Variants in WDR41 observed in about 807,000 individuals in gnomAD.
WDR41 encodes the protein WD repeat-containing protein 41.
A neutral mutation model predicts 69.3 loss-of-function variants in WDR41; 63 were observed. The observed-to-expected ratio is 0.91, with a 90% confidence interval of 0.74 to 1.12. The LOEUF (loss-of-function observed/expected upper bound fraction) is 1.12, where lower values mean the gene tolerates loss of function less well. Among genes scored for constraint, WDR41 ranks in the 50% most tolerant of loss-of-function variants. The pLI is 0.00. For synonymous variants in WDR41, 185 were observed against 192.1 expected (o/e 0.96, Z 0.31); for missense variants, 543 against 534.5 (o/e 1.02, Z -0.16).
At chr5:77,512,041 C>T (rs6886221) in intron 1 of WDR41, among the ~76,000 whole-genome samples, 83,082 of 151,902 alleles carry the variant, frequency 0.55, 24,165 homozygotes, top group African/African-American at 0.73. Flanking sequence ...CCAGTATCTA[C>T]AGATACAGAA....
chr5:77,520,692 G>A (rs1443614976), intron 1 of WDR41, among the ~76,000 whole-genome samples: 1 of 152,102 alleles, frequency 6.6e-6, no homozygotes, highest in Non-Finnish European at 1.5e-5. Flanking sequence ...ACCCCATAAA[G>A]CTGAAGGTCA....
chr5:77,583,000 T>G (rs888586467), intron 1 of WDR41: 2 of 1,600,254 alleles, frequency 1.2e-6, no homozygotes, highest in Non-Finnish European at 1.7e-6. Context: ...TAACTTCCTG[T>G]GGCCCTTCAA....
intron 1 of WDR41, among the ~76,000 whole-genome samples, chr5:77,608,753 T>A (rs1316172878): frequency 6.6e-6 from 1 of 152,202 alleles, no homozygotes; most frequent in Non-Finnish European, 1.5e-5. Flanking sequence ...TTTCTGCATT[T>A]CCATCTGAGG....
At chr5:77,577,259 T>C (rs1196624969) in intron 1 of WDR41, among the ~76,000 whole-genome samples, 1 of 152,058 alleles carries the variant, frequency 6.6e-6, no homozygotes, top group African/African-American at 2.4e-5. Context: ...TGTACCACAA[T>C]GTAAAAAAGA....
intron 1 of WDR41, among the ~76,000 whole-genome samples, chr5:77,535,849 C>CT (rs1742962692): frequency 6.6e-6 from 1 of 152,210 alleles, no homozygotes; most frequent in Non-Finnish European, 1.5e-5. Flanking sequence ...AGCCTACTTG[C>CT]TAAGATTTGC....
In WDR41 at chr5:77,463,244, A is replaced by G; in HGVS notation, c.217-18T>C. 2 of 1,599,012 alleles carry G rather than the reference A, an allele frequency of 1.3e-6. No individual in the cohort carries two copies. The highest frequency in any genetic ancestry group is 3.6e-5 in the Admixed American group (2 of 56,058). ...TCCCCTGTCTGAAATACCAATAAAA[A>G]TGTTAATAGGCTTAGCTTTCACAAT... On this transcript the variant is annotated intron_variant, in intron 3 of 12. Coordinates refer to ENST00000296679, the MANE Select transcript of WDR41 (RefSeq NM_018268.4).
chr5:77,491,419 G>A (rs1286338338), intron 1 of WDR41: 4 of 154,140 alleles, frequency 2.6e-5, no homozygotes, highest in African/African-American at 9.6e-5. Flanking sequence ...CACAAAGCCT[G>A]TTTGGTGGTC....
In WDR41 at chr5:77,439,430, C is replaced by A. The variant is rs557246417; in HGVS notation, c.883-1069G>T. ...TCTGCAATCAGCAATGCAGCCGAGGCCCAATGCCAGGGCATTAATGAACAC... is the reference window on the plus strand; with the variant it reads ...TCTGCAATCAGCAATGCAGCCGAGGACCAATGCCAGGGCATTAATGAACAC... On this transcript the variant is annotated intron_variant, in intron 9 of 12. Transcript: ENST00000296679. Among the ~76,000 whole-genome samples the A allele has an allele frequency of 5.3e-4, 80 of 152,318 alleles. 3 individuals are homozygous for A. Among genetic ancestry groups the A allele is most frequent in the Non-Finnish European group, 9.6e-4 (65 of 68,028 alleles).
At chr5:77,434,755 A>T (rs542529345) in intron 12 of WDR41, among the ~76,000 whole-genome samples, 1 of 152,276 alleles carries the variant, frequency 6.6e-6, no homozygotes, top group Non-Finnish European at 1.5e-5. Context: ...CCTAGATTTT[A>T]TCAACGAAGC....
chr5:77,615,416 G>T (rs1744660630), intron 1 of WDR41, among the ~76,000 whole-genome samples: 1 of 151,768 alleles, frequency 6.6e-6, no homozygotes, highest in South Asian at 2.1e-4. Flanking sequence ...TTTTAAAATG[G>T]GAAAAAGAAT....
chr5:77,560,500 A>T (rs1743502530), intron 1 of WDR41, among the ~76,000 whole-genome samples: 1 of 152,174 alleles, frequency 6.6e-6, no homozygotes, highest in Admixed American at 6.5e-5. Context: ...AACACGGATT[A>T]TTGCAATTTA....
intron 1 of WDR41, among the ~76,000 whole-genome samples, chr5:77,595,015 C>CT (rs1744200033): frequency 6.6e-6 from 1 of 152,092 alleles, no homozygotes; most frequent in African/African-American, 2.4e-5. Flanking sequence ...ATCCCCAAAG[C>CT]TTTTTACAGA....
At chr5:77,518,641 T>A (rs191906489) in intron 1 of WDR41, among the ~76,000 whole-genome samples, 1 of 152,150 alleles carries the variant, frequency 6.6e-6, no homozygotes, top group Non-Finnish European at 1.5e-5. Flanking sequence ...TGAAAAATAC[T>A]ATTTTCTTAA....
At chr5:77,438,194 A>C (rs1799019238) in intron 10 of WDR41, 46 bp downstream of exon 10, 1 of 1,611,474 alleles carries the variant, frequency 6.2e-7, no homozygotes, top group African/African-American at 1.3e-5. Flanking sequence ...AGCCCTGGGA[A>C]CTGTGACTTG....
At chr5:77,535,797 C>T (rs1255679800) in intron 1 of WDR41, among the ~76,000 whole-genome samples, 1 of 152,142 alleles carries the variant, frequency 6.6e-6, no homozygotes, top group Non-Finnish European at 1.5e-5. Context: ...ATGTTATAAG[C>T]TCAACAGCAG....
intron 1 of WDR41, among the ~76,000 whole-genome samples, chr5:77,502,547 C>T (rs1802036459): frequency 6.6e-6 from 1 of 152,128 alleles, no homozygotes; most frequent in Non-Finnish European, 1.5e-5. Flanking sequence ...TCAAGAAGAG[C>T]AACCCCAAGA....
intron 1 of WDR41, among the ~76,000 whole-genome samples, chr5:77,551,730 C>T (rs891409202): frequency 6.6e-6 from 1 of 150,898 alleles, no homozygotes; most frequent in African/African-American, 2.4e-5. Flanking sequence ...GTAGTACCAG[C>T]ACTTTGGGAG....
At chr5:77,454,925 T>C (rs981538835) in intron 5 of WDR41, among the ~76,000 whole-genome samples, 2 of 152,220 alleles carry the variant, frequency 1.3e-5, no homozygotes, top group African/African-American at 4.8e-5. Flanking sequence ...GACATATAGA[T>C]TGTTTCCATT....
chr5:77,478,169 T>C (rs991805985), intron 2 of WDR41, among the ~76,000 whole-genome samples: 1 of 152,096 alleles, frequency 6.6e-6, no homozygotes, highest in Non-Finnish European at 1.5e-5. Flanking sequence ...GATCTGAAAT[T>C]GTGGCAATAA....
Sources: allele counts gnomAD v4.1 joint callset (sites outside exome capture counted in the v4.1 genomes callset), GRCh38; gene constraint gnomAD v4.1.1; transcripts MANE v1.5; gene names NCBI Gene and HGNC (gene_info 2026-07-23, HGNC 2026-07-21).